The following PI4K2A variants were observed in gnomAD, a reference collection of about 807,000 sequenced individuals.
The protein encoded by PI4K2A is phosphatidylinositol 4-kinase type 2-alpha.
PI4K2A carries 20 observed loss-of-function variants against 55.0 expected under a neutral mutation model. The observed-to-expected ratio is 0.36, with a 90% CI of 0.26 to 0.53. The LOEUF is 0.53. Ranked by LOEUF, PI4K2A falls within the 20% of genes least tolerant of loss-of-function variation. PI4K2A has a pLI of 0.91. For missense variants in PI4K2A, 463 were observed against 637.1 expected, an observed-to-expected ratio of 0.73 and a Z score of 2.94; for synonymous variants, 235 against 258.5, an observed-to-expected ratio of 0.91 and a Z score of 0.87.
At chr10:97,668,946 A>T (rs1056826059) in intron 8 of PI4K2A, among the ~76,000 whole-genome samples, 1 of 151,974 alleles carries the variant, frequency 6.6e-6, no homozygotes, top group Non-Finnish European at 1.5e-5. Flanking sequence ...GCTCACTGCA[A>T]CCTTCACCTC....
rs1564772365 is a variant in PI4K2A at position 97,642,884 on chromosome 10, T to TCTTTCTTCCTTC, written c.435+1710_435+1711insTCTTCCTTCCTT. ...CTTTCTTTTTCTTTCTTTCTTTCTT[T>TCTTTCTTCCTTC]CTTCCTTCCTTCCTTCCTTCCTTCC... On this transcript the variant is annotated intron_variant, in intron 1 of 8. Transcript: ENST00000370631. Among the ~76,000 whole-genome samples, 108 of 96,826 alleles carry TCTTTCTTCCTTC rather than the reference T, an allele frequency of 1.1e-3. 3 individuals carry two copies. Among genetic ancestry groups the TCTTTCTTCCTTC allele is most frequent in the Non-Finnish European group, 1.6e-3 (73 of 46,662 alleles). The allele number at this position is 96,826 out of a possible 152,430, so 63.5% of individuals were successfully genotyped here.
At chr10:97,668,093 C>A (rs1273823517) in intron 8 of PI4K2A, among the ~76,000 whole-genome samples, 1 of 152,174 alleles carries the variant, frequency 6.6e-6, no homozygotes, top group Non-Finnish European at 1.5e-5. Flanking sequence ...CTGTAGGGTA[C>A]TGGTATTATG....
chr10:97,641,196 A>G lies in PI4K2A; in HGVS notation c.435+19A>G, dbSNP rs1445668184. The G allele has an allele frequency of 1.3e-6, 2 of 1,575,290 alleles. No homozygotes were observed. Among genetic ancestry groups the G allele is most frequent in the African/African-American group, 2.8e-5 (2 of 72,346 alleles). ...TCAGGGGGTGAGTGCGGGGGTGGGGACCGCCGCCGCGGGCTGAGGGCCGGC... is the reference window on the plus strand; with the variant it reads ...TCAGGGGGTGAGTGCGGGGGTGGGGGCCGCCGCCGCGGGCTGAGGGCCGGC... On this transcript the variant is annotated intron_variant, in intron 1 of 8. Transcript: ENST00000370631.
intron 8 of PI4K2A, among the ~76,000 whole-genome samples, chr10:97,671,196 T>C (rs1031149904): frequency 6.6e-6 from 1 of 152,124 alleles, no homozygotes; most frequent in Non-Finnish European, 1.5e-5. Context: ...TGTACTCTCC[T>C]ACCAGAGAAG....
exon 1 of PI4K2A, chr10:97,640,871 C>A: frequency 7.6e-7 from 1 of 1,312,958 alleles, no homozygotes; most frequent in Non-Finnish European, 9.7e-7. Flanking sequence ...CGGCGGCCGG[C>A]TCGGGCCCCT....
At chr10:97,642,910 T>TTCCC (rs1564772392) in intron 1 of PI4K2A, among the ~76,000 whole-genome samples, 1 of 132,770 alleles carries the variant, frequency 7.5e-6, no homozygotes, top group Non-Finnish European at 1.6e-5. Context: ...CCTTCCTTCC[T>TTCCC]TCCTTCCTTC....
At chr10:97,674,835 G>T (rs2041654373) in exon 9 of PI4K2A, 1 of 152,154 alleles carries the variant, frequency 6.6e-6, no homozygotes, top group South Asian at 2.1e-4. Flanking sequence ...TGCCTCATAA[G>T]TGGCAGTTTC....
At chr10:97,655,618 G>T (rs537733506) in intron 2 of PI4K2A, among the ~76,000 whole-genome samples, 2 of 151,986 alleles carry the variant, frequency 1.3e-5, no homozygotes, top group East Asian at 3.9e-4. Context: ...TGTCACCCAG[G>T]ATAGAATGTG....
chr10:97,673,771 C>G, exon 9 of PI4K2A: 1 of 1,608,294 alleles, frequency 6.2e-7, no homozygotes, highest in South Asian at 1.1e-5. Context: ...GAAATATTGT[C>G]AGAGACTGGT....
At chr10:97,665,600 A>T (rs1243230284) in intron 6 of PI4K2A, among the ~76,000 whole-genome samples, 55 of 131,012 alleles carry the variant, frequency 4.2e-4, no homozygotes, top group African/African-American at 1.3e-3. Context: ...TTATTTATTT[A>T]TTTTTTTTTT....
exon 9 of PI4K2A, chr10:97,673,825 C>T: frequency 7.5e-7 from 1 of 1,329,282 alleles, no homozygotes; most frequent in East Asian, 2.3e-5. Context: ...GCCAGAGAAG[C>T]CGGTGGAGAG....
At chr10:97,674,456 A>G (rs1245320016) in exon 9 of PI4K2A, 2 of 152,198 alleles carry the variant, frequency 1.3e-5, no homozygotes, top group African/African-American at 2.4e-5. Flanking sequence ...GCTGGCCTAC[A>G]GCTTGTCTGT....
chr10:97,660,698 T>C (rs1310861086), intron 4 of PI4K2A, among the ~76,000 whole-genome samples: 2 of 152,010 alleles, frequency 1.3e-5, no homozygotes, highest in African/African-American at 2.4e-5. Flanking sequence ...TTATAAAATA[T>C]ACTGAAATTT....
chr10:97,647,846 A>T (rs1429709905), intron 1 of PI4K2A, among the ~76,000 whole-genome samples: 1 of 151,894 alleles, frequency 6.6e-6, no homozygotes, highest in Non-Finnish European at 1.5e-5. Flanking sequence ...GTAGAAGGAA[A>T]TCAAGATGTT....
Position 97,656,540 on chromosome 10 carries a change from C to A in PI4K2A, c.768+124C>A. 1.1e-6 allele frequency: 1 copy of A among 940,090 alleles called. No homozygotes were observed. The highest frequency in any genetic ancestry group is 1.6e-6 in the Non-Finnish European group (1 of 619,728). 58.2% of individuals were successfully genotyped at this position (940,090 alleles called of 1,614,324 possible). A position where few individuals can be genotyped will look rare whatever the true frequency, so the allele number is the denominator to read the frequency against. On this transcript the variant is annotated intron_variant, in intron 3 of 8. Transcript: ENST00000370631. The surrounding 1 kb of genome is among the most constrained non-coding windows in gnomAD (Gnocchi z 4.5). ...GAATAACCTGCCCTGAGGATCCTGT[C>A]TTCCTTATTTCTGTCAAGTGGCTAA...
intron 1 of PI4K2A, among the ~76,000 whole-genome samples, chr10:97,645,443 C>A (rs1201193492): frequency 6.6e-6 from 1 of 151,724 alleles, no homozygotes; most frequent in Non-Finnish European, 1.5e-5. Flanking sequence ...CCCATCTCTA[C>A]TAGAAATACA....
At chr10:97,664,207 C>T (rs2041599664) in intron 5 of PI4K2A, among the ~76,000 whole-genome samples, 1 of 152,178 alleles carries the variant, frequency 6.6e-6, no homozygotes, top group Non-Finnish European at 1.5e-5. Flanking sequence ...TAAGGTATCT[C>T]AGGGGATTCA....
exon 9 of PI4K2A, chr10:97,673,968 G>A (rs1469600177): frequency 1.4e-5 from 7 of 509,748 alleles, no homozygotes; most frequent in Non-Finnish European, 2.1e-5. Context: ...CTCCATGCAC[G>A]TAGTCCAGAT....
chr10:97,653,958 C>T (rs2041541082), intron 2 of PI4K2A, among the ~76,000 whole-genome samples: 1 of 152,164 alleles, frequency 6.6e-6, no homozygotes, highest in Admixed American at 6.6e-5. Flanking sequence ...TGAGATGAGA[C>T]AGAACTTTGG....
Sources: gnomAD v4.1 joint callset for allele counts (sites outside exome capture counted in the v4.1 genomes callset) on GRCh38, gnomAD v4.1.1 for gene constraint, Gnocchi (gnomAD v3.1) non-coding constraint, MANE v1.5 for transcripts, NCBI Gene and HGNC (gene_info 2026-07-23, HGNC 2026-07-21) for gene names.